Variants in KCNIP3 observed in about 807,000 individuals in gnomAD.
KCNIP3 encodes potassium voltage-gated channel interacting protein 3, also known as calsenilin.
Under a neutral mutation model 35.0 loss-of-function variants are expected in KCNIP3, and 28 were observed. The observed-to-expected ratio is 0.80, with a 90% CI of 0.59 to 1.10. The LOEUF (loss-of-function observed/expected upper bound fraction) is 1.10, where lower values mean the gene tolerates loss of function less well. KCNIP3 is among the 50% of genes least tolerant of loss of function. KCNIP3 has a pLI of 0.00. For synonymous variants in KCNIP3, 134 were observed against 133.8 expected (o/e 1.00, Z -0.01); for missense variants, 295 against 338.4 (o/e 0.87, Z 1.01).
At chr2:95,340,649 A>T (rs1679174674) in intron 2 of KCNIP3, among the ~76,000 whole-genome samples, 1 of 152,240 alleles carries the variant, frequency 6.6e-6, no homozygotes, top group African/African-American at 2.4e-5. Flanking sequence ...GTTTATGGGA[A>T]AGTCTTTCTC....
chr2:95,326,246 ACACT>A (rs753087819), intron 2 of KCNIP3, among the ~76,000 whole-genome samples: 11 of 63,040 alleles, frequency 1.7e-4, no homozygotes, highest in South Asian at 3.9e-4. Context: ...CACACACACA[ACACT>A]CACACATACA....
At chr2:95,334,642 C>A (rs1679013609) in intron 2 of KCNIP3, among the ~76,000 whole-genome samples, 1 of 152,182 alleles carries the variant, frequency 6.6e-6, no homozygotes, top group African/African-American at 2.4e-5. Flanking sequence ...CATGCTGGGA[C>A]TGGTCAGCTC....
intron 2 of KCNIP3, among the ~76,000 whole-genome samples, chr2:95,343,417 A>T (rs1003537458): frequency 3.3e-5 from 5 of 152,196 alleles, no homozygotes; most frequent in Admixed American, 6.5e-5. Context: ...AGAAAGCATT[A>T]GAACTAAACT....
At chr2:95,372,045 T>C (rs771667005) in intron 2 of KCNIP3, among the ~76,000 whole-genome samples, 34 of 152,132 alleles carry the variant, frequency 2.2e-4, no homozygotes, top group Non-Finnish European at 4.4e-4. Context: ...CCTCAGGTGA[T>C]CCACCCACCT....
intron 8 of KCNIP3, among the ~76,000 whole-genome samples, chr2:95,383,758 G>A (rs533734070): frequency 5.4e-4 from 83 of 152,338 alleles, no homozygotes; most frequent in African/African-American, 1.9e-3. Context: ...AGCCGGGATC[G>A]CCTTCATCAG....
chr2:95,379,122 C>T (rs1246066724), intron 5 of KCNIP3, among the ~76,000 whole-genome samples: 1 of 151,922 alleles, frequency 6.6e-6, no homozygotes, highest in Non-Finnish European at 1.5e-5. Context: ...GTTCCCGTCC[C>T]CCCAGCCCCC....
intron 2 of KCNIP3, among the ~76,000 whole-genome samples, chr2:95,345,298 G>C (rs1223253297): frequency 6.6e-6 from 1 of 152,224 alleles, no homozygotes; most frequent in Non-Finnish European, 1.5e-5. Context: ...CTCTAGCCTA[G>C]GTTTCCTCCC....
intron 2 of KCNIP3, among the ~76,000 whole-genome samples, chr2:95,359,129 A>G (rs1238133418): frequency 6.6e-6 from 1 of 152,094 alleles, no homozygotes; most frequent in African/African-American, 2.4e-5. Context: ...CACATACAAA[A>G]TATATTCATT....
At chr2:95,361,040 G>C (rs1442904806) in intron 2 of KCNIP3, among the ~76,000 whole-genome samples, 2 of 152,200 alleles carry the variant, frequency 1.3e-5, no homozygotes, top group East Asian at 3.8e-4. Context: ...AAGGGAAATG[G>C]CTGAGTTCGT....
At chr2:95,353,967 C>T (rs1319742488) in intron 2 of KCNIP3, among the ~76,000 whole-genome samples, 1 of 152,194 alleles carries the variant, frequency 6.6e-6, no homozygotes, top group African/African-American at 2.4e-5. Context: ...CACAGGACGG[C>T]CCCAGCACAG....
At chr2:95,300,170 T>C (rs2104193692) in intron 1 of KCNIP3, among the ~76,000 whole-genome samples, 1 of 152,286 alleles carries the variant, frequency 6.6e-6, no homozygotes, top group South Asian at 2.1e-4. Flanking sequence ...CGGTGGTCTG[T>C]TGTGCCCTCT....
chr2:95,347,646 A>G (rs1679410393), intron 2 of KCNIP3, among the ~76,000 whole-genome samples: 1 of 152,222 alleles, frequency 6.6e-6, no homozygotes, highest in Non-Finnish European at 1.5e-5. Context: ...CTGTCTCAAT[A>G]AAATATTAAC....
rs368729517 is a variant in KCNIP3 at position 95,306,987 on chromosome 2, C to T, written c.16-3368C>T. On this transcript the variant is annotated intron_variant, in intron 1 of 8. Coordinates refer to ENST00000295225, the MANE Select transcript of KCNIP3 (RefSeq NM_013434.5). Reference sequence around the variant, plus strand: ...TCCCCAGCAGCCTGAGGGCCCAGGCCGCAGCCTGATGAGTCCCAGCTTCCC... The same window carrying T: ...TCCCCAGCAGCCTGAGGGCCCAGGCTGCAGCCTGATGAGTCCCAGCTTCCC... Among the ~76,000 whole-genome samples the T allele has an allele frequency of 3.0e-3, 456 of 152,364 alleles. 4 individuals carry two copies. The highest frequency in any genetic ancestry group is 0.023 in the South Asian group (109 of 4,832).
chr2:95,342,639 T>C (rs1679220921), intron 2 of KCNIP3, among the ~76,000 whole-genome samples: 1 of 152,194 alleles, frequency 6.6e-6, no homozygotes, highest in East Asian at 1.9e-4. Context: ...TTAGCTGTGT[T>C]TTCTCCTGAG....
chr2:95,309,373 A>G (rs868862443), intron 1 of KCNIP3, among the ~76,000 whole-genome samples: 20 of 149,668 alleles, frequency 1.3e-4, no homozygotes, highest in African/African-American at 4.7e-4. Flanking sequence ...GGCCTCCACC[A>G]TGACCCCAGG....
chr2:95,381,747 T>C, intron 6 of KCNIP3, 44 bp downstream of exon 6: 1 of 1,307,572 alleles, frequency 7.6e-7, no homozygotes, highest in Non-Finnish European at 1.1e-6. Flanking sequence ...CCTCCCCTCC[T>C]GCTGCTCCAC....
rs1307194464 is a variant in KCNIP3 at position 95,329,779 on chromosome 2, C to T, written c.181+19259C>T. On this transcript the variant is annotated intron_variant, in intron 2 of 8. Coordinates refer to ENST00000295225, the MANE Select transcript of KCNIP3 (RefSeq NM_013434.5). The stretch of plus-strand genomic sequence containing the variant: ...GCCGAGTAAATATTTACAGCCATTA[C>T]GGCCATTGATCGCCTTCGATCCTGG... Among the ~76,000 whole-genome samples, 9 of 152,376 alleles carry T rather than the reference C, an allele frequency of 5.9e-5. No individual in the cohort carries two copies. In the South Asian group the frequency reaches 1.0e-3, roughly 18 times the overall value.
intron 2 of KCNIP3, among the ~76,000 whole-genome samples, chr2:95,363,157 T>C (rs2104287769): frequency 6.6e-6 from 1 of 152,330 alleles, no homozygotes; most frequent in South Asian, 2.1e-4. Context: ...TTTTTCCTTG[T>C]GGTTTGAGCT....
intron 5 of KCNIP3, among the ~76,000 whole-genome samples, chr2:95,381,133 G>A (rs755331233): frequency 1.1e-4 from 16 of 152,202 alleles, no homozygotes; most frequent in Non-Finnish European, 2.1e-4. Context: ...TACCCCAGGC[G>A]TCTCCAGCGG....
Sources: allele counts gnomAD v4.1 joint callset (sites outside exome capture counted in the v4.1 genomes callset), GRCh38; gene constraint gnomAD v4.1.1; transcripts MANE v1.5; gene names NCBI Gene and HGNC (gene_info 2026-07-23, HGNC 2026-07-21).